CDH8: variants seen among roughly 807,000 people sequenced by gnomAD.
CDH8 encodes cadherin 8.
CDH8 carries 17 observed loss-of-function variants against 68.1 expected under a neutral mutation model. The observed-to-expected ratio is 0.25, with a 90% CI of 0.17 to 0.37. CDH8 has a LOEUF of 0.37. Ranked by LOEUF, CDH8 falls within the 10% of genes least tolerant of loss-of-function variation. CDH8 has a pLI of 1.00. For missense variants in CDH8, 763 were observed against 999.3 expected (o/e 0.76, Z 3.19); for synonymous variants, 372 against 365.1 (o/e 1.02, Z -0.21).
chr16:62,012,744 C>A (rs559339082), intron 2 of CDH8, among the ~76,000 whole-genome samples: 1 of 152,182 alleles, frequency 6.6e-6, no homozygotes, highest in African/African-American at 2.4e-5. Context: ...CTTACAGGTT[C>A]TCCTGTATTG....
intron 1 of CDH8, among the ~76,000 whole-genome samples, chr16:62,025,056 G>A (rs1344696790): frequency 1.3e-5 from 2 of 152,132 alleles, no homozygotes; most frequent in Admixed American, 1.3e-4. Flanking sequence ...ACAGAGTGAT[G>A]GGTAAGCCAC....
intron 10 of CDH8, among the ~76,000 whole-genome samples, chr16:61,707,136 C>T (rs552687518): frequency 7.8e-4 from 119 of 152,190 alleles, no homozygotes; most frequent in African/African-American, 2.7e-3. Context: ...TTAATCATCT[C>T]CCAAATACCT....
intron 2 of CDH8, among the ~76,000 whole-genome samples, chr16:61,949,217 G>C (rs1964849174): frequency 6.6e-6 from 1 of 152,166 alleles, no homozygotes; most frequent in Admixed American, 6.5e-5. Flanking sequence ...GGAGTTGGGA[G>C]CGTAGAAGGC....
intron 10 of CDH8, among the ~76,000 whole-genome samples, chr16:61,705,004 C>G (rs995336638): frequency 6.6e-6 from 1 of 152,066 alleles, no homozygotes; most frequent in Non-Finnish European, 1.5e-5. Flanking sequence ...AGATAAACAG[C>G]CTCAAAAGGC....
At chr16:61,953,332 A>C (rs1308705345) in intron 2 of CDH8, among the ~76,000 whole-genome samples, 1 of 152,214 alleles carries the variant, frequency 6.6e-6, no homozygotes, top group Non-Finnish European at 1.5e-5. Flanking sequence ...CATATTTCTC[A>C]TACTTCTGCT....
intron 2 of CDH8, among the ~76,000 whole-genome samples, chr16:62,004,631 G>T (rs1032650795): frequency 1.3e-5 from 2 of 152,230 alleles, no homozygotes; most frequent in East Asian, 1.9e-4. Context: ...AAATGTGTGT[G>T]TCTGTGGATA....
intron 2 of CDH8, among the ~76,000 whole-genome samples, chr16:62,017,231 T>C (rs1510167): frequency 0.5 from 76,150 of 151,920 alleles, 20,260 homozygotes; most frequent in East Asian, 0.72. Context: ...GGAACTTGCA[T>C]CCTAGAAGAG....
At chr16:61,721,904 T>A (rs2142883390) in intron 9 of CDH8, among the ~76,000 whole-genome samples, 1 of 150,908 alleles carries the variant, frequency 6.6e-6, no homozygotes, top group East Asian at 2.0e-4. Context: ...ATGTGGTTGC[T>A]AATACCAAGC....
Position 61,901,716 on chromosome 16 carries a change from A to T in CDH8, c.253-243T>A, listed in dbSNP as rs142331524. Among the ~76,000 whole-genome samples, 132 of 152,314 alleles carry T rather than the reference A, an allele frequency of 8.7e-4. 1 individual carries two copies. The highest frequency in any genetic ancestry group is 3.0e-3 in the African/African-American group (124 of 41,578). ...TCTGGCCTGTTTAGTATAAAACAAC[A>T]TGCTTTTAGAATGATAAAAAGGTCA... is the stretch of plus-strand genomic sequence containing the variant. On this transcript the variant is annotated intron_variant, in intron 2 of 11. Transcript: ENST00000577390.
At chr16:61,790,554 C>T (rs1961353979) in intron 7 of CDH8, among the ~76,000 whole-genome samples, 1 of 152,016 alleles carries the variant, frequency 6.6e-6, no homozygotes, top group South Asian at 2.1e-4. Context: ...CACATGAAAT[C>T]TCTCTATTCA....
At chr16:61,688,409 C>A in intron 10 of CDH8, among the ~76,000 whole-genome samples, 1 of 151,974 alleles carries the variant, frequency 6.6e-6, no homozygotes, top group Admixed American at 6.6e-5. Flanking sequence ...TCCCCCAGGG[C>A]CCAGACTTGC....
intron 8 of CDH8, among the ~76,000 whole-genome samples, chr16:61,775,504 T>C (rs571558512): frequency 3.5e-4 from 53 of 152,178 alleles, no homozygotes; most frequent in African/African-American, 1.3e-3. Flanking sequence ...AGATGACACT[T>C]CTCTAGCCCT....
chr16:61,959,978 G>GTGTATATATATATATATATATATA (rs1555524793), intron 2 of CDH8, among the ~76,000 whole-genome samples: 10 of 46,502 alleles, frequency 2.2e-4, no homozygotes, highest in Non-Finnish European at 3.3e-4. Flanking sequence ...GTATGTGTGT[G>GTGTATATATATATATATATATATA]TGTGTGTATA....
chr16:61,659,816 T>C (rs1385055947), intron 10 of CDH8, among the ~76,000 whole-genome samples: 1 of 152,168 alleles, frequency 6.6e-6, no homozygotes, highest in Non-Finnish European at 1.5e-5. Flanking sequence ...AGAGAGCCTC[T>C]GGAGCCCACT....
At chr16:61,671,830 A>G (rs1192835016) in intron 10 of CDH8, among the ~76,000 whole-genome samples, 1 of 152,052 alleles carries the variant, frequency 6.6e-6, no homozygotes, top group Non-Finnish European at 1.5e-5. Flanking sequence ...ATTCACCCAC[A>G]TATGAACAGG....
At chr16:61,894,475 G>T (rs1463441655) in intron 3 of CDH8, among the ~76,000 whole-genome samples, 1 of 152,102 alleles carries the variant, frequency 6.6e-6, no homozygotes, top group African/African-American at 2.4e-5. Flanking sequence ...TAATTTTGAT[G>T]ATTGTATTTT....
chr16:61,994,371 A>T (rs7191021), intron 2 of CDH8, among the ~76,000 whole-genome samples: 94,307 of 151,982 alleles, frequency 0.62, 29,560 homozygotes, highest in East Asian at 0.76. Context: ...TTGCTAATTG[A>T]ACTGTATTGA....
At chr16:61,871,846 A>C (rs1451248810) in intron 3 of CDH8, among the ~76,000 whole-genome samples, 1 of 118,542 alleles carries the variant, frequency 8.4e-6, no homozygotes, top group African/African-American at 3.2e-5. Flanking sequence ...AAAAAAAAAA[A>C]ACCCAGAAAT....
chr16:61,822,880 T>C lies in CDH8; in HGVS notation c.836-1767A>G, dbSNP rs1036653028. On this transcript the variant is annotated intron_variant, in intron 5 of 11. Transcript: ENST00000577390. The stretch of plus-strand genomic sequence containing the variant: ...AGCAAATGGAACATTCTTTTAACCA[T>C]TCCTATTCTGTGCCTGCTCCTCATC... Among the ~76,000 whole-genome samples, 6 of 152,076 alleles carry C rather than the reference T, an allele frequency of 3.9e-5. No homozygotes were observed. In the East Asian group the frequency reaches 5.8e-4, roughly 15 times the overall value.
Sources: allele counts gnomAD v4.1 joint callset (sites outside exome capture counted in the v4.1 genomes callset), GRCh38; gene constraint gnomAD v4.1.1; transcripts MANE v1.5; gene names NCBI Gene and HGNC (gene_info 2026-07-23, HGNC 2026-07-21).